Variants in CTNNA2 observed in about 807,000 individuals in gnomAD.
CTNNA2 encodes catenin alpha-2.
CTNNA2 carries 42 observed loss-of-function variants against 101.0 expected under a neutral mutation model. The ratio of observed to expected loss-of-function variants is 0.42; its 90% confidence interval spans 0.32 to 0.54. The LOEUF (loss-of-function observed/expected upper bound fraction) is 0.54. CTNNA2 is among the 20% of genes least tolerant of loss of function. The probability of loss-of-function intolerance (pLI) is 0.14; values close to 1 mark genes in which losing one functional copy is unlikely to be tolerated. For synonymous variants in CTNNA2, 450 were observed against 456.4 expected (o/e 0.99, Z 0.18); for missense variants, 871 against 1,223.1 (o/e 0.71, Z 4.29).
intron 4 of CTNNA2, among the ~76,000 whole-genome samples, chr2:79,492,443 G>T (rs893328335): frequency 2.6e-5 from 4 of 151,854 alleles, no homozygotes; most frequent in African/African-American, 9.7e-5. Flanking sequence ...CATATAGAAT[G>T]TATAATTATG....
intron 18 of CTNNA2, among the ~76,000 whole-genome samples, chr2:80,629,902 C>T (rs887085280): frequency 2.6e-5 from 4 of 152,142 alleles, no homozygotes; most frequent in Non-Finnish European, 5.9e-5. Context: ...CTAGGATAAA[C>T]ATACTGCTTT....
At chr2:79,515,803 G>A (rs1671775587) in intron 1 of CTNNA2, among the ~76,000 whole-genome samples, 1 of 152,160 alleles carries the variant, frequency 6.6e-6, no homozygotes, top group East Asian at 1.9e-4. Context: ...TCTGTCTTTA[G>A]TTGACTGGAC....
In CTNNA2 at chr2:80,303,110, G is replaced by A. The variant is rs1161254795; in HGVS notation, c.1057-90101G>A. The A allele has an allele frequency of 1.2e-6, 2 of 1,614,098 alleles. No homozygotes were observed. The highest frequency in any genetic ancestry group is 4.5e-5 in the East Asian group (2 of 44,862). On this transcript the variant is annotated intron_variant, in intron 7 of 18. Coordinates refer to ENST00000402739, the MANE Select transcript of CTNNA2 (RefSeq NM_001282597.3). The surrounding 1 kb of genome is among the most constrained non-coding windows in gnomAD (Gnocchi z 7.7). The stretch of plus-strand genomic sequence containing the variant: ...CACCTTGTTCCTCCGCAGGCAGAGC[G>A]AGTGCAGGGAGATGAGGCGCGGGAA...
intron 7 of CTNNA2, among the ~76,000 whole-genome samples, chr2:80,119,063 A>G (rs1701686292): frequency 6.6e-6 from 1 of 152,234 alleles, no homozygotes; most frequent in Non-Finnish European, 1.5e-5. Context: ...AACCAACCAG[A>G]AGCCCGAAAG....
chr2:79,753,886 T>G (rs1272549206), intron 3 of CTNNA2, among the ~76,000 whole-genome samples: 1 of 147,554 alleles, frequency 6.8e-6, no homozygotes, highest in East Asian at 2.0e-4. Flanking sequence ...TTTTTTTTTT[T>G]GAGATGGAGT....
At chr2:79,783,451 C>G (rs1036496847) in intron 3 of CTNNA2, among the ~76,000 whole-genome samples, 6 of 152,168 alleles carry the variant, frequency 3.9e-5, no homozygotes, top group Non-Finnish European at 8.8e-5. Context: ...CCAATGTAAA[C>G]TTATTTCTCT....
At chr2:79,358,130 G>A (rs1451493849) in intron 3 of CTNNA2, among the ~76,000 whole-genome samples, 1 of 151,826 alleles carries the variant, frequency 6.6e-6, no homozygotes, top group Non-Finnish European at 1.5e-5. Context: ...CTTATTAAAT[G>A]AAAACCTTTG....
intron 7 of CTNNA2, chr2:80,304,124 G>T (rs1237486382): frequency 6.4e-6 from 2 of 310,148 alleles, no homozygotes; most frequent in Non-Finnish European, 1.2e-5. Flanking sequence ...CTTCGGGAAA[G>T]AATTTAATTA....
At chr2:79,641,060 T>C (rs1680415816) in intron 1 of CTNNA2, among the ~76,000 whole-genome samples, 1 of 152,186 alleles carries the variant, frequency 6.6e-6, no homozygotes, top group Admixed American at 6.5e-5. Flanking sequence ...GTTGTAATGT[T>C]ATACCCTGAT....
intron 4 of CTNNA2, among the ~76,000 whole-genome samples, chr2:79,489,631 C>A (rs1252438997): frequency 6.6e-6 from 1 of 152,170 alleles, no homozygotes; most frequent in Non-Finnish European, 1.5e-5. Flanking sequence ...AATAAGATAA[C>A]TGTATCTACC....
intron 2 of CTNNA2, among the ~76,000 whole-genome samples, chr2:79,280,656 T>TGTGTGAGAGA (rs1337075035): frequency 6.2e-5 from 6 of 96,674 alleles, no homozygotes; most frequent in Admixed American, 1.2e-4. Flanking sequence ...TGTGTGTGTG[T>TGTGTGAGAGA]AAGAGAAAGA....
At chr2:80,129,218 T>A (rs949650172) in intron 7 of CTNNA2, among the ~76,000 whole-genome samples, 6 of 152,180 alleles carry the variant, frequency 3.9e-5, no homozygotes, top group Admixed American at 3.9e-4. Context: ...GGAAGGGCCT[T>A]GAATTGCAGT....
intron 2 of CTNNA2, among the ~76,000 whole-genome samples, chr2:79,685,208 G>C (rs1683853009): frequency 6.6e-6 from 1 of 151,996 alleles, no homozygotes; most frequent in Non-Finnish European, 1.5e-5. Flanking sequence ...TCATAAACTA[G>C]ATTAGCATAT....
intron 3 of CTNNA2, among the ~76,000 whole-genome samples, chr2:79,819,796 G>C (rs1051660195): frequency 6.6e-6 from 1 of 152,080 alleles, no homozygotes; most frequent in African/African-American, 2.4e-5. Flanking sequence ...AACTGAAAGA[G>C]TGGAATTAGA....
At chr2:79,228,312 C>G (rs1674447725) in intron 2 of CTNNA2, among the ~76,000 whole-genome samples, 1 of 152,192 alleles carries the variant, frequency 6.6e-6, no homozygotes, top group Non-Finnish European at 1.5e-5. Flanking sequence ...CTTTTAAGTT[C>G]TTTGAGAAAT....
At chr2:79,845,619 G>A (rs60282427) in intron 3 of CTNNA2, among the ~76,000 whole-genome samples, 9,581 of 152,100 alleles carry the variant, frequency 0.063, 836 homozygotes, top group African/African-American at 0.2. Flanking sequence ...ATGTATTTTT[G>A]AGTTGGAAGG....
intron 7 of CTNNA2, among the ~76,000 whole-genome samples, chr2:79,942,024 G>A (rs1688198141): frequency 6.6e-6 from 1 of 152,152 alleles, no homozygotes; most frequent in Non-Finnish European, 1.5e-5. Context: ...CATCATGTTG[G>A]CATAAGGTCT....
intron 7 of CTNNA2, among the ~76,000 whole-genome samples, chr2:80,095,746 C>T (rs1174850274): frequency 2.0e-5 from 3 of 151,956 alleles, no homozygotes; most frequent in South Asian, 2.1e-4. Context: ...GTGTATGTGT[C>T]GAGGAATTTA....
At chr2:79,757,359 C>T (rs1405568365) in intron 3 of CTNNA2, among the ~76,000 whole-genome samples, 2 of 152,166 alleles carry the variant, frequency 1.3e-5, no homozygotes, top group African/African-American at 4.8e-5. Flanking sequence ...TATTTTTAAG[C>T]TGACTTGCAA....
Sources: allele counts gnomAD v4.1 joint callset (sites outside exome capture counted in the v4.1 genomes callset), GRCh38; gene constraint gnomAD v4.1.1; non-coding constraint Gnocchi (gnomAD v3.1); transcripts MANE v1.5; gene names NCBI Gene and HGNC (gene_info 2026-07-23, HGNC 2026-07-21).